The following GCA variants were observed in gnomAD, a reference collection of about 807,000 sequenced individuals.
The protein encoded by GCA is grancalcin, EF-hand calcium-binding protein.
A neutral mutation model predicts 32.6 loss-of-function variants in GCA; 30 were observed. The ratio of observed to expected loss-of-function variants is 0.92; its 90% CI spans 0.69 to 1.25. GCA has a LOEUF of 1.25. GCA is among the 50% of genes most tolerant of loss of function. The pLI is 0.00. For missense variants in GCA, 291 were observed against 266.8 expected, an observed-to-expected ratio of 1.09 and a Z score of -0.63; for synonymous variants, 102 against 84.6, an observed-to-expected ratio of 1.21 and a Z score of -1.13.
chr2:162,371,987 T>G (rs1445716592), downstream of GCA: 3 of 1,613,858 alleles, frequency 1.9e-6, no homozygotes, highest in East Asian at 4.5e-5. Flanking sequence ...CTGTCTTGTT[T>G]TAAAAGTGAA....
intron 5 of GCA, among the ~76,000 whole-genome samples, chr2:162,357,473 C>A (rs1018441905): frequency 1.3e-5 from 2 of 151,758 alleles, no homozygotes; most frequent in Non-Finnish European, 3.0e-5. Context: ...TTTGCTTAAA[C>A]TTAATGCAGT....
intron 2 of GCA, among the ~76,000 whole-genome samples, chr2:162,348,247 G>A (rs1684809296): frequency 6.6e-6 from 1 of 152,030 alleles, no homozygotes; most frequent in Admixed American, 6.6e-5. Context: ...ATGACTATTG[G>A]AAATTTTAGG....
Position 162,361,428 on chromosome 2 carries a change from A to G in GCA, c.*1185A>G. On this transcript the variant is annotated 3_prime_UTR_variant, in exon 8 of 8. Coordinates refer to ENST00000437150, the MANE Select transcript of GCA (RefSeq NM_012198.5). ...ACCACTTATTTTTCTTATGCTTTAA[A>G]TGTGTATTTTCTAACCTAACAGTGA... 1.0e-6 allele frequency: 1 copy of G among 979,112 alleles called. No homozygotes were observed. The highest frequency in any genetic ancestry group is 1.2e-6 in the Non-Finnish European group (1 of 824,406). The allele number at this position is 979,112 out of a possible 1,614,324, so 60.7% of individuals were successfully genotyped here.
chr2:162,359,878 T>A (rs1457990805), intron 7 of GCA, among the ~76,000 whole-genome samples: 1 of 151,270 alleles, frequency 6.6e-6, no homozygotes, highest in Admixed American at 6.6e-5. Context: ...ATATTTTTTC[T>A]CAGGGAGGGA....
At position 162,362,520 on chromosome 2, in the gene GCA, G is replaced by T; in HGVS notation, c.*2277G>T. On this transcript the variant is annotated 3_prime_UTR_variant, in exon 8 of 8. Transcript: ENST00000437150. ...ACTTACACCCCAGTTCTTTTACGAT[G>T]ATGTAAATTATTGAATAATGTACAC... 1.0e-6 allele frequency: 1 copy of T among 967,866 alleles called. No homozygotes were observed. Among genetic ancestry groups the T allele is most frequent in the Non-Finnish European group, 1.2e-6 (1 of 814,190 alleles). 60.0% of individuals were successfully genotyped at this position (967,866 alleles called of 1,614,324 possible).
intron 1 of GCA, among the ~76,000 whole-genome samples, chr2:162,322,912 A>G (rs1683735722): frequency 1.3e-5 from 2 of 151,936 alleles, no homozygotes; most frequent in South Asian, 2.1e-4. Flanking sequence ...TAGTCCTTTG[A>G]GTATATACCC....
chr2:162,367,380 G>A (rs1040954213), downstream of GCA, among the ~76,000 whole-genome samples: 4 of 151,872 alleles, frequency 2.6e-5, no homozygotes, highest in African/African-American at 9.7e-5. Flanking sequence ...ATTGTATTTT[G>A]TAAATGTATT....
Position 162,347,728 on chromosome 2 carries a change from G to A in GCA, c.178G>A (p.Ala60Thr). The change falls in exon 2 of 8, where the codon GCT becomes ACT. Residue 60 changes from alanine (A) to threonine (T), a missense_variant. Physicochemically the swap from Ala to Thr is moderately conservative, Grantham distance 58. Transcript: ENST00000437150. ...AGDSVYTYFS[A>T]VAGQDGEVDA... ...TGACTCCGTGTATACTTACTTCAGT[G>A]CTGTTGCTGGACAGGTGAGATGCTA... is the stretch of plus-strand genomic sequence containing the variant. 6.4e-7 allele frequency: 1 copy of A among 1,555,654 alleles called. No homozygotes were observed. The highest frequency in any genetic ancestry group is 8.7e-7 in the Non-Finnish European group (1 of 1,147,144).
upstream of GCA, chr2:162,344,081 C>A (rs1265547628): frequency 4.4e-6 from 3 of 685,570 alleles, no homozygotes; most frequent in Non-Finnish European, 7.8e-6. Context: ...CCGTGCAGGG[C>A]GGGGCTGGCC....
chr2:162,321,929 TATATAC>T (rs1184009379), intron 1 of GCA, among the ~76,000 whole-genome samples: 48 of 64,718 alleles, frequency 7.4e-4, no homozygotes, highest in African/African-American at 2.8e-3. Context: ...TATATATATA[TATATAC>T]ACACATACAT....
At chr2:162,339,283 T>C (rs1011708627), upstream of GCA, among the ~76,000 whole-genome samples, 1 of 152,174 alleles carries the variant, frequency 6.6e-6, no homozygotes, top group African/African-American at 2.4e-5. Flanking sequence ...ATAACACATA[T>C]ATATCTTCAT....
chr2:162,375,271 A>G (rs138385570), downstream of GCA, among the ~76,000 whole-genome samples: 484 of 152,370 alleles, frequency 3.2e-3, 2 homozygotes, highest in African/African-American at 0.011. Flanking sequence ...GACTGGAAGA[A>G]GAACTGCATC....
intron 1 of GCA, among the ~76,000 whole-genome samples, chr2:162,320,984 A>AT (rs1165280540): frequency 1.3e-5 from 2 of 152,140 alleles, no homozygotes; most frequent in Non-Finnish European, 2.9e-5. Context: ...AACAATTCAT[A>AT]TTTTCTCACA....
At chr2:162,319,873 T>C (rs1020735222) in intron 1 of GCA, among the ~76,000 whole-genome samples, 2 of 152,218 alleles carry the variant, frequency 1.3e-5, no homozygotes, top group Admixed American at 1.3e-4. Context: ...GAAAACCTGA[T>C]AGTGCTTTGA....
chr2:162,319,142 G>A (rs1240224923), exon 1 of GCA: 4 of 456,768 alleles, frequency 8.8e-6, no homozygotes, highest in Non-Finnish European at 1.3e-5. Context: ...GAGATGTGGA[G>A]AAGACAGGAG....
chr2:162,332,348 T>C (rs1684125670), intron 1 of GCA, among the ~76,000 whole-genome samples: 1 of 145,712 alleles, frequency 6.9e-6, no homozygotes, highest in Non-Finnish European at 1.5e-5. Context: ...TAATATATAA[T>C]ATTATTTATA....
chr2:162,343,889 C>T (rs944260086), upstream of GCA, among the ~76,000 whole-genome samples: 1 of 152,122 alleles, frequency 6.6e-6, no homozygotes, highest in South Asian at 2.1e-4. Flanking sequence ...GCAGCCAAGG[C>T]TTCTTCGGGA....
At position 162,363,042 on chromosome 2, in the gene GCA, T is replaced by TAAA. The variant is rs1576305467; in HGVS notation, c.*2801_*2803dup. On this transcript the variant is annotated 3_prime_UTR_variant, in exon 8 of 8. Coordinates refer to ENST00000437150, the MANE Select transcript of GCA (RefSeq NM_012198.5). ...ATCAATTTGTGATTATTTCTTTAAG[T>TAAA]AAAATATAAGACATTAAGTTTGCCT... Among the ~76,000 whole-genome samples, 1 of 151,524 alleles carries TAAA rather than the reference T, an allele frequency of 6.6e-6. No homozygotes were observed. Among genetic ancestry groups the TAAA allele is most frequent in the East Asian group, 1.9e-4 (1 of 5,164 alleles).
chr2:162,353,421 T>C (rs1006677957), intron 3 of GCA, among the ~76,000 whole-genome samples: 4 of 152,134 alleles, frequency 2.6e-5, no homozygotes, highest in African/African-American at 7.2e-5. Flanking sequence ...TGAGCTGAGA[T>C]TGGGCCACTG....
Sources: allele counts gnomAD v4.1 joint callset (sites outside exome capture counted in the v4.1 genomes callset), GRCh38; gene constraint gnomAD v4.1.1; transcripts MANE v1.5; gene names NCBI Gene and HGNC (gene_info 2026-07-23, HGNC 2026-07-21).